The following CTNNA1 variants were observed in gnomAD, a reference collection of about 807,000 sequenced individuals.
CTNNA1 encodes the protein catenin alpha 1, also known as catenin alpha-1.
Under a neutral mutation model 98.4 loss-of-function variants are expected in CTNNA1, and 37 were observed. The ratio of observed to expected loss-of-function variants is 0.38; its 90% CI spans 0.29 to 0.49. CTNNA1 has a LOEUF of 0.49. CTNNA1 is among the 20% of genes least tolerant of loss of function. The pLI is 0.95. For synonymous variants in CTNNA1, 404 were observed against 413.2 expected (o/e 0.98, Z 0.27); for missense variants, 761 against 1,147.2 (o/e 0.66, Z 4.86).
chr5:138,899,941 A>G (rs906457427), intron 9 of CTNNA1, among the ~76,000 whole-genome samples: 3 of 152,206 alleles, frequency 2.0e-5, no homozygotes, highest in Non-Finnish European at 4.4e-5. Flanking sequence ...GAATTTTTCT[A>G]TTATCCATGC....
intron 1 of CTNNA1, among the ~76,000 whole-genome samples, chr5:138,766,453 T>TC (rs1249943157): frequency 3.4e-5 from 5 of 148,312 alleles, no homozygotes; most frequent in Non-Finnish European, 7.5e-5. Flanking sequence ...CATGTTTTGT[T>TC]TTTTTTTTTT....
intron 1 of CTNNA1, among the ~76,000 whole-genome samples, chr5:138,774,765 G>A (rs1435029708): frequency 6.6e-6 from 1 of 152,068 alleles, no homozygotes; most frequent in East Asian, 1.9e-4. Flanking sequence ...GGGACTACAG[G>A]CGCCCACCAC....
intron 3 of CTNNA1, 78 bp from the exon 4 acceptor site, chr5:138,809,957 GATT>G: frequency 6.9e-7 from 1 of 1,459,512 alleles, no homozygotes; most frequent in African/African-American, 1.4e-5. Context: ...ACAAAGTTTG[GATT>G]ATTTTTATAT....
At chr5:138,867,657 A>G (rs572688406) in intron 7 of CTNNA1, among the ~76,000 whole-genome samples, 6 of 152,094 alleles carry the variant, frequency 3.9e-5, no homozygotes, top group Admixed American at 6.5e-5. Context: ...GGCCTACTCA[A>G]TGTGAAGACA....
chr5:138,882,787 A>C (rs1449699047), intron 7 of CTNNA1, among the ~76,000 whole-genome samples: 1 of 152,208 alleles, frequency 6.6e-6, no homozygotes, highest in African/African-American at 2.4e-5. Flanking sequence ...AGAAATAAAA[A>C]ATCATAACTT....
intron 1 of CTNNA1, chr5:138,762,070 A>G (rs1304949658): frequency 1.3e-5 from 2 of 152,206 alleles, no homozygotes; most frequent in Admixed American, 1.3e-4. Flanking sequence ...TTGAAGTCCT[A>G]AAGAAATTTA....
At chr5:138,800,918 ACTTTT>A (rs1163120811) in intron 3 of CTNNA1, among the ~76,000 whole-genome samples, 1 of 152,108 alleles carries the variant, frequency 6.6e-6, no homozygotes, top group East Asian at 1.9e-4. Context: ...CAATGTCATG[ACTTTT>A]CTTTACCTCT....
intron 9 of CTNNA1, among the ~76,000 whole-genome samples, chr5:138,896,838 G>A (rs28363453): frequency 0.037 from 5,581 of 152,086 alleles, 283 homozygotes; most frequent in African/African-American, 0.12. Context: ...GAATTTATTC[G>A]CTATCAGAAA....
intron 7 of CTNNA1, among the ~76,000 whole-genome samples, chr5:138,828,863 C>G (rs1222365618): frequency 6.6e-6 from 1 of 152,206 alleles, no homozygotes; most frequent in East Asian, 1.9e-4. Context: ...ATGGTTCAAG[C>G]CTGTAGTCCC....
rs557812334 is a variant in CTNNA1 at position 138,772,399 on chromosome 5, C to T, written c.-2-9524C>T. On this transcript the variant is annotated intron_variant, in intron 1 of 17. Transcript: ENST00000302763. ...CTAGTAGGTTTTGTGATAGATCTTG[C>T]GAAGGAGTGCTCTGTAAGTTAATTG... 2.9e-4 allele frequency among the ~76,000 whole-genome samples: 44 copies of T among 152,222 alleles called. No homozygotes were observed. Among genetic ancestry groups the T allele is most frequent in the Middle Eastern group, 6.8e-3 (2 of 294 alleles).
chr5:138,830,199 A>C (rs536813183), intron 7 of CTNNA1, among the ~76,000 whole-genome samples: 1 of 150,848 alleles, frequency 6.6e-6, no homozygotes, highest in South Asian at 2.1e-4. Context: ...TAAACAAACA[A>C]AAAACAGAAA....
chr5:138,880,833 G>C (rs1387606157), intron 7 of CTNNA1: 1 of 321,160 alleles, frequency 3.1e-6, no homozygotes, highest in Non-Finnish European at 6.2e-6. Context: ...ATGTTTGTTG[G>C]CTATATGCTA....
intron 1 of CTNNA1, among the ~76,000 whole-genome samples, chr5:138,757,354 G>A (rs1039070378): frequency 1.3e-5 from 2 of 152,160 alleles, no homozygotes; most frequent in Admixed American, 1.3e-4. Flanking sequence ...GAAATGGATC[G>A]TGAATATATG....
At chr5:138,862,487 A>G (rs1163603602) in intron 7 of CTNNA1, among the ~76,000 whole-genome samples, 1 of 152,230 alleles carries the variant, frequency 6.6e-6, no homozygotes, top group African/African-American at 2.4e-5. Flanking sequence ...TTTTATGATA[A>G]TGGATAGTAC....
chr5:138,909,163 C>T (rs1238234633), intron 10 of CTNNA1, among the ~76,000 whole-genome samples: 1 of 152,050 alleles, frequency 6.6e-6, no homozygotes. Flanking sequence ...GATTATCTCA[C>T]TCAATATTTT....
intron 3 of CTNNA1, among the ~76,000 whole-genome samples, chr5:138,796,808 C>T (rs1458551447): frequency 6.6e-6 from 1 of 152,102 alleles, no homozygotes; most frequent in African/African-American, 2.4e-5. Flanking sequence ...TGCTGGTTTG[C>T]AGAAGCATAT....
At chr5:138,922,554 A>G (rs1372382460) in intron 11 of CTNNA1, among the ~76,000 whole-genome samples, 1 of 152,234 alleles carries the variant, frequency 6.6e-6, no homozygotes, top group Non-Finnish European at 1.5e-5. Flanking sequence ...ACCTATAAAT[A>G]ATGTATTGAA....
intron 5 of CTNNA1, among the ~76,000 whole-genome samples, chr5:138,820,712 TGTA>T (rs1168357330): frequency 1.4e-5 from 2 of 146,446 alleles, no homozygotes; most frequent in Non-Finnish European, 3.0e-5. Context: ...TTTATTAAAA[TGTA>T]GTTGTTTAGT....
intron 7 of CTNNA1, among the ~76,000 whole-genome samples, chr5:138,845,922 G>GT (rs953266302): frequency 2.4e-4 from 5 of 20,444 alleles, no homozygotes; most frequent in Non-Finnish European, 7.6e-4. Context: ...GGTTTTTTTT[G>GT]TTTTTTTGTT....
Sources: allele counts gnomAD v4.1 joint callset (sites outside exome capture counted in the v4.1 genomes callset), GRCh38; gene constraint gnomAD v4.1.1; transcripts MANE v1.5; gene names NCBI Gene and HGNC (gene_info 2026-07-23, HGNC 2026-07-21).